RBM4B: variants seen among roughly 807,000 people sequenced by gnomAD.
RBM4B encodes RNA binding motif protein 4B, also known as RNA-binding protein 4B.
A neutral mutation model predicts 28.5 loss-of-function variants in RBM4B; 13 were observed. The ratio of observed to expected loss-of-function variants is 0.46; its 90% CI spans 0.30 to 0.72. The LOEUF (loss-of-function observed/expected upper bound fraction) is 0.72, where lower values mean the gene tolerates loss of function less well. RBM4B is among the 30% of genes least tolerant of loss of function. The probability of loss-of-function intolerance (pLI) is 0.09; values close to 1 mark genes in which losing one functional copy is unlikely to be tolerated. For synonymous variants in RBM4B, 167 were observed against 179.1 expected (o/e 0.93, Z 0.54); for missense variants, 387 against 477.6 (o/e 0.81, Z 1.77).
At chr11:66,672,503 T>TC (rs1401326754) in intron 2 of RBM4B, among the ~76,000 whole-genome samples, 31 of 145,014 alleles carry the variant, frequency 2.1e-4, no homozygotes, top group Non-Finnish European at 3.8e-4. Context: ...TATTAATTTT[T>TC]TTGGGGGGGG....
intron 3 of RBM4B, 97 bp from the exon 4 acceptor site, chr11:66,665,675 G>A: frequency 2.0e-6 from 3 of 1,498,028 alleles, no homozygotes; most frequent in Non-Finnish European, 2.7e-6. Flanking sequence ...ATTCCGGGGG[G>A]AAAAAAAAGA....
At chr11:66,670,963 G>C (rs1253655100) in intron 2 of RBM4B, 2 of 702,614 alleles carry the variant, frequency 2.8e-6, no homozygotes, top group Non-Finnish European at 2.6e-6. Flanking sequence ...TATGCGAGAG[G>C]AAGCCTTGTG....
At chr11:66,668,433 C>CA in intron 3 of RBM4B, 182 bp downstream of exon 3, 1 of 568,306 alleles carries the variant, frequency 1.8e-6, no homozygotes, top group Non-Finnish European at 3.1e-6. Flanking sequence ...CATACACTAA[C>CA]ACCTTGACAG....
chr11:66,665,831 T>TACATCTTTCTTATCCA (rs1565090614), intron 3 of RBM4B: 4 of 1,505,790 alleles, frequency 2.7e-6, no homozygotes, highest in Non-Finnish European at 3.6e-6. Flanking sequence ...TGGTGATAAA[T>TACATCTTTCTTATCCA]ACATCTTTCT....
chr11:66,676,355 C>G, intron 2 of RBM4B: 1 of 520,122 alleles, frequency 1.9e-6, no homozygotes, highest in Non-Finnish European at 3.4e-6. Flanking sequence ...CCTCCCTTCT[C>G]TCATGAGGTA....
chr11:66,676,596 A>G, intron 2 of RBM4B, 72 bp downstream of exon 2: 2 of 1,530,254 alleles, frequency 1.3e-6, no homozygotes, highest in Non-Finnish European at 8.9e-7. Context: ...AGCAAGTTCT[A>G]TAGTCTTGTG....
intron 3 of RBM4B, chr11:66,666,401 G>A (rs766586313): frequency 1.0e-6 from 1 of 990,906 alleles, no homozygotes; most frequent in Non-Finnish European, 1.2e-6. Context: ...ATCCCCAACA[G>A]TTCTGGAGTA....
rs892782151 is a variant in RBM4B at position 66,677,844 on chromosome 11, G to T, written c.-93C>A. 2 of 152,682 alleles carry T rather than the reference G, an allele frequency of 1.3e-5. No individual in the cohort carries two copies. Among genetic ancestry groups the T allele is most frequent in the Non-Finnish European group, 2.9e-5 (2 of 68,098 alleles). 9.5% of individuals were successfully genotyped at this position (152,682 alleles called of 1,614,324 possible). On this transcript the variant is annotated 5_prime_UTR_variant, in exon 1 of 4. Coordinates refer to ENST00000310046, the MANE Select transcript of RBM4B (RefSeq NM_031492.4). ...GCGACGGCCGCTCGAGCCTGGACGC[G>T]ACCGGGCCCTTTCTCGCGCGCCAGC...
At chr11:66,672,406 TAAAAA>T (rs539171629) in intron 2 of RBM4B, among the ~76,000 whole-genome samples, 2 of 59,028 alleles carry the variant, frequency 3.4e-5, no homozygotes, top group African/African-American at 7.7e-5. Context: ...CAAGACTGTC[TAAAAA>T]AAAAAAAAAA....
At position 66,677,114 on chromosome 11, in the gene RBM4B, C is replaced by G. The variant is rs762309799; in HGVS notation, c.-12-23G>C. 3.7e-6 allele frequency: 6 copies of G among 1,602,720 alleles called. No individual in the cohort carries two copies. In the Admixed American group the frequency reaches 5.1e-5, roughly 14 times the overall value. Reference sequence around the variant, plus strand: ...AGCCTGGGAGAGAAACACAAGACTTCAAAAGTCAGGGGTGTGGTGGGAAAT... The same window carrying G: ...AGCCTGGGAGAGAAACACAAGACTTGAAAAGTCAGGGGTGTGGTGGGAAAT... On this transcript the variant is annotated intron_variant, in intron 1 of 3. Transcript: ENST00000310046.
intron 3 of RBM4B, 174 bp downstream of exon 3, chr11:66,668,441 C>G (rs1706688146): frequency 1.7e-6 from 1 of 575,432 alleles, no homozygotes; most frequent in South Asian, 2.4e-5. Context: ...AACACCTTGA[C>G]AGGCCAAATG....
In RBM4B at chr11:66,669,059, A is replaced by G. The variant is rs1181477632; in HGVS notation, c.645T>C (p.Tyr215=). 1 of 1,614,082 alleles carries G rather than the reference A, an allele frequency of 6.2e-7. No homozygotes were observed. The highest frequency in any genetic ancestry group is 1.3e-5 in the African/African-American group (1 of 74,930). The change falls in exon 3 of 4, where the codon TAT becomes TAC. Residue 215 remains tyrosine (Y), a synonymous_variant. Transcript: ENST00000310046. ...YGESMYYNDA[Y]GALDYYKRYR... The stretch of plus-strand genomic sequence containing the variant: ...ATCGCTTATAGTAGTCGAGTGCTCC[A>G]TATGCATCGTTGTAATACATGGATT...
intron 2 of RBM4B, among the ~76,000 whole-genome samples, chr11:66,671,876 A>C (rs1401082037): frequency 1.3e-5 from 2 of 152,036 alleles, no homozygotes; most frequent in Non-Finnish European, 2.9e-5. Context: ...AGTAGCTGAG[A>C]TTACAGGCAC....
chr11:66,671,097 T>C (rs922777411), intron 2 of RBM4B: 93 of 692,390 alleles, frequency 1.3e-4, no homozygotes, highest in Admixed American at 2.0e-4. Flanking sequence ...TTCTGCCCAA[T>C]GTCAAAGAGT....
Position 66,676,693 on chromosome 11 carries a change from C to T in RBM4B, c.387G>A (p.Arg129=), listed in dbSNP as rs1469696050. 4.3e-6 allele frequency: 7 copies of T among 1,613,928 alleles called. No individual in the cohort carries two copies. In the Admixed American group the frequency reaches 1.0e-4, roughly 23 times the overall value. Residue 129 remains arginine, a synonymous_variant, in exon 2 of 4, where the codon AGG becomes AGA. Coordinates refer to ENST00000310046, the MANE Select transcript of RBM4B (RefSeq NM_031492.4). ...ERAEDAVEAI[R]GLDNTEFQGK... ...CTTGAAACTCTGTGTTGTCAAGGCC[C>T]CTGATGGCCTCCACTGCATCCTCTG... is the stretch of plus-strand genomic sequence containing the variant.
chr11:66,666,332 C>T (rs1181371637), intron 3 of RBM4B: 4 of 1,019,374 alleles, frequency 3.9e-6, no homozygotes, highest in African/African-American at 1.7e-5. Flanking sequence ...CTGTGCCAAT[C>T]GACTTCAAAA....
intron 2 of RBM4B, among the ~76,000 whole-genome samples, chr11:66,669,628 TAG>T (rs1939394985): frequency 6.6e-6 from 1 of 152,206 alleles, no homozygotes; most frequent in Non-Finnish European, 1.5e-5. Flanking sequence ...GTATTTTTAG[TAG>T]AGACAGGGTT....
In RBM4B at chr11:66,665,222, T is replaced by C. The variant is rs1036419091; in HGVS notation, c.*366A>G. 3 of 279,860 alleles carry C rather than the reference T, an allele frequency of 1.1e-5. No individual in the cohort carries two copies. Among genetic ancestry groups the C allele is most frequent in the Admixed American group, 4.9e-5 (1 of 20,336 alleles). The allele number at this position is 279,860 out of a possible 1,614,324, so 17.3% of individuals were successfully genotyped here. ...GAGTAAAAGGCTGCTTGCCACTACA[T>C]GGTCATTTTAAAGGGAAAGGAGATG... On this transcript the variant is annotated 3_prime_UTR_variant, in exon 4 of 4. Coordinates refer to ENST00000310046, the MANE Select transcript of RBM4B (RefSeq NM_031492.4).
At chr11:66,673,003 A>T (rs978607608) in intron 2 of RBM4B, among the ~76,000 whole-genome samples, 1 of 152,164 alleles carries the variant, frequency 6.6e-6, no homozygotes, top group African/African-American at 2.4e-5. Context: ...TTTTCCAGAA[A>T]ACCAGCCCTA....
Sources: gnomAD v4.1 joint callset for allele counts (sites outside exome capture counted in the v4.1 genomes callset) on GRCh38, gnomAD v4.1.1 for gene constraint, MANE v1.5 for transcripts, NCBI Gene and HGNC (gene_info 2026-07-23, HGNC 2026-07-21) for gene names.